The following ANKRD44 variants were observed in gnomAD, a reference collection of about 807,000 sequenced individuals.
The protein encoded by ANKRD44 is ankyrin repeat domain 44, also known as serine/threonine-protein phosphatase 6 regulatory ankyrin repeat subunit B.
In ANKRD44, 35 loss-of-function variants were observed where a neutral mutation model predicts 116.0. The ratio of observed to expected loss-of-function variants is 0.30; its 90% CI spans 0.23 to 0.40. The LOEUF is 0.40. ANKRD44 is among the 10% of genes least tolerant of loss of function. The pLI is 1.00. For synonymous variants in ANKRD44, 435 were observed against 461.8 expected, an observed-to-expected ratio of 0.94 and a Z score of 0.74; for missense variants, 1,014 against 1,242.6, an observed-to-expected ratio of 0.82 and a Z score of 2.77.
At chr2:197,169,538 G>A (rs771778607) in intron 2 of ANKRD44, among the ~76,000 whole-genome samples, 4 of 152,162 alleles carry the variant, frequency 2.6e-5, no homozygotes, top group Non-Finnish European at 5.9e-5. Flanking sequence ...TGCATACTAT[G>A]TAGCAGTGGA....
At chr2:197,260,944 T>C (rs2082587516) in intron 1 of ANKRD44, among the ~76,000 whole-genome samples, 1 of 144,050 alleles carries the variant, frequency 6.9e-6, no homozygotes, top group East Asian at 2.0e-4. Flanking sequence ...TTCTTGTAAA[T>C]TTGTTTGAGT....
At chr2:197,215,406 C>T (rs1345521423) in intron 1 of ANKRD44, among the ~76,000 whole-genome samples, 1 of 152,066 alleles carries the variant, frequency 6.6e-6, no homozygotes, top group Non-Finnish European at 1.5e-5. Context: ...AGGTTTTGGC[C>T]GCATGAGGTT....
chr2:197,206,498 A>G (rs1266632271), intron 1 of ANKRD44, among the ~76,000 whole-genome samples: 1 of 152,214 alleles, frequency 6.6e-6, no homozygotes, highest in South Asian at 2.1e-4. Flanking sequence ...AGCCTGGCCA[A>G]TATGGCAAAA....
intron 8 of ANKRD44, among the ~76,000 whole-genome samples, chr2:197,120,225 T>C (rs181598291): frequency 6.6e-6 from 1 of 152,318 alleles, no homozygotes; most frequent in East Asian, 1.9e-4. Context: ...AGACTGAATC[T>C]CATCTTAGAG....
intron 2 of ANKRD44, among the ~76,000 whole-genome samples, chr2:197,154,174 CT>C (rs1034922629): frequency 0.041 from 4,340 of 106,942 alleles, 69 homozygotes; most frequent in African/African-American, 0.12. Context: ...TATCGGCTTT[CT>C]TTTTTTTTTT....
At chr2:197,024,590 T>C (rs1369349051) in intron 17 of ANKRD44, among the ~76,000 whole-genome samples, 1 of 152,180 alleles carries the variant, frequency 6.6e-6, no homozygotes, top group Non-Finnish European at 1.5e-5. Flanking sequence ...TGCCTTCAAT[T>C]ACTGGGATGT....
intron 1 of ANKRD44, among the ~76,000 whole-genome samples, chr2:197,210,017 A>T (rs559736997): frequency 6.0e-4 from 91 of 152,268 alleles, no homozygotes; most frequent in South Asian, 4.6e-3. Flanking sequence ...TACCTAAGAG[A>T]CGTCTTACAG....
At chr2:196,999,718 T>C (rs999009327) in intron 23 of ANKRD44, among the ~76,000 whole-genome samples, 4 of 151,954 alleles carry the variant, frequency 2.6e-5, no homozygotes, top group African/African-American at 9.7e-5. Flanking sequence ...CTCAGCCTCC[T>C]GAGTAGCTGG....
intron 8 of ANKRD44, among the ~76,000 whole-genome samples, chr2:197,113,672 C>G (rs954649238): frequency 2.0e-5 from 3 of 152,150 alleles, no homozygotes; most frequent in African/African-American, 7.2e-5. Flanking sequence ...CAAAGCCAGG[C>G]CCATTTCAGG....
In ANKRD44 at chr2:197,024,550, T is replaced by G. The variant is rs190429283; in HGVS notation, c.1722+646A>C. Among the ~76,000 whole-genome samples the G allele has an allele frequency of 2.4e-3, 359 of 152,298 alleles. 2 individuals are homozygous for G. The highest frequency in any genetic ancestry group is 4.4e-3 in the Non-Finnish European group (300 of 68,016). On this transcript the variant is annotated intron_variant, in intron 17 of 27. Transcript: ENST00000282272. Reference sequence around the variant, plus strand: ...CACCTTGGTCACTCCCATGAAGAGTTTGGGGATCATCACTCTGAGCTGTTG... The same window carrying G: ...CACCTTGGTCACTCCCATGAAGAGTGTGGGGATCATCACTCTGAGCTGTTG...
At chr2:196,968,315 A>G (rs2075689817) in intron 21 of ANKRD44, among the ~76,000 whole-genome samples, 1 of 152,186 alleles carries the variant, frequency 6.6e-6, no homozygotes, top group Admixed American at 6.5e-5. Context: ...TGGTTCCACA[A>G]AGGGCCATTG....
chr2:197,064,925 A>C (rs1363072715), intron 16 of ANKRD44, among the ~76,000 whole-genome samples: 1 of 152,200 alleles, frequency 6.6e-6, no homozygotes, highest in Non-Finnish European at 1.5e-5. Context: ...ATATCCAGGA[A>C]TTGAACTCAG....
intron 16 of ANKRD44, among the ~76,000 whole-genome samples, chr2:197,061,518 A>C (rs1443194546): frequency 6.6e-6 from 1 of 152,208 alleles, no homozygotes; most frequent in African/African-American, 2.4e-5. Context: ...GAGAAGAAGA[A>C]AATAGTGGGT....
chr2:197,245,116 C>T (rs2082163460), intron 1 of ANKRD44, among the ~76,000 whole-genome samples: 1 of 152,036 alleles, frequency 6.6e-6, no homozygotes, highest in African/African-American at 2.4e-5. Context: ...AAAAATTAGC[C>T]AGGAATGGTG....
At chr2:196,992,251 C>T (rs1007241978) in intron 27 of ANKRD44, among the ~76,000 whole-genome samples, 3 of 152,176 alleles carry the variant, frequency 2.0e-5, no homozygotes, top group African/African-American at 4.8e-5. Context: ...TATCATCACT[C>T]GACCTGCTCT....
intron 16 of ANKRD44, among the ~76,000 whole-genome samples, chr2:197,060,133 T>C (rs1163407401): frequency 2.0e-5 from 3 of 152,182 alleles, no homozygotes; most frequent in South Asian, 2.1e-4. Flanking sequence ...ATAAGAATAA[T>C]AGAAATACAG....
intron 1 of ANKRD44, among the ~76,000 whole-genome samples, chr2:197,224,084 C>G (rs971501885): frequency 4.6e-5 from 7 of 152,160 alleles, no homozygotes; most frequent in Non-Finnish European, 1.0e-4. Flanking sequence ...TGGAAAGGAT[C>G]TTGGTCCCTT....
At chr2:197,137,515 T>A (rs141379891) in intron 3 of ANKRD44, among the ~76,000 whole-genome samples, 1 of 152,192 alleles carries the variant, frequency 6.6e-6, no homozygotes, top group Non-Finnish European at 1.5e-5. Flanking sequence ...GAAACTTTTT[T>A]AAAAGGCAGT....
chr2:197,006,213 C>A (rs1033263105), intron 20 of ANKRD44, among the ~76,000 whole-genome samples: 16 of 152,082 alleles, frequency 1.1e-4, no homozygotes, highest in South Asian at 2.1e-4. Flanking sequence ...GAGGCCGAGG[C>A]AGGAGGATCA....
Sources: allele counts gnomAD v4.1 joint callset (sites outside exome capture counted in the v4.1 genomes callset), GRCh38; gene constraint gnomAD v4.1.1; transcripts MANE v1.5; gene names NCBI Gene and HGNC (gene_info 2026-07-23, HGNC 2026-07-21).